The following OPHN1 variants were observed in gnomAD, a reference collection of about 807,000 sequenced individuals.
The protein encoded by OPHN1 is oligophrenin-1.
Under a neutral mutation model 60.7 loss-of-function variants are expected in OPHN1, and 11 were observed. The ratio of observed to expected loss-of-function variants is 0.18; its 90% CI spans 0.11 to 0.30. OPHN1 has a LOEUF of 0.30. Ranked by LOEUF, OPHN1 falls within the 10% of genes least tolerant of loss-of-function variation. The probability of loss-of-function intolerance (pLI) is 1.00; values close to 1 mark genes in which losing one functional copy is unlikely to be tolerated. For synonymous variants in OPHN1, 226 were observed against 222.6 expected (o/e 1.02, Z -0.14); for missense variants, 449 against 611.0 (o/e 0.73, Z 2.80).
At chrX:68,339,712 C>T (rs943498270) in intron 2 of OPHN1, among the ~76,000 whole-genome samples, 14 of 111,631 alleles carry the variant, frequency 1.3e-4, no homozygotes, top group South Asian at 3.8e-4. Context: ...AAGTGATTCT[C>T]GTGCTTCAGC....
intron 15 of OPHN1, among the ~76,000 whole-genome samples, chrX:68,166,058 T>G (rs1463269470): frequency 8.9e-6 from 1 of 112,290 alleles, no homozygotes; most frequent in Non-Finnish European, 1.9e-5. Flanking sequence ...TAACTCAAAA[T>G]GCATCAAACA....
chrX:68,133,036 G>A, intron 15 of OPHN1: 1 of 488,528 alleles, frequency 2.0e-6, no homozygotes, highest in Non-Finnish European at 3.7e-6. Context: ...CGCCAACTCT[G>A]CAGCAGTCCG....
intron 15 of OPHN1, among the ~76,000 whole-genome samples, chrX:68,175,057 C>T (rs1354712881): frequency 9.2e-6 from 1 of 108,470 alleles, no homozygotes; most frequent in Non-Finnish European, 1.9e-5. Flanking sequence ...GCACTCCAGC[C>T]TAGCGACAGA....
chrX:68,285,550 T>A (rs1225027630), intron 3 of OPHN1, among the ~76,000 whole-genome samples: 1 of 111,688 alleles, frequency 9.0e-6, no homozygotes, highest in Non-Finnish European at 1.9e-5. Context: ...TGCAGATTCA[T>A]GTTTTTCACC....
chrX:68,222,493 G>A (rs1383207520), intron 6 of OPHN1, among the ~76,000 whole-genome samples: 11 of 101,628 alleles, frequency 1.1e-4, no homozygotes, highest in African/African-American at 3.2e-4. Context: ...TGTTTATTGC[G>A]GCATTATTCA....
At chrX:68,222,950 TAAAA>T (rs1251540205) in intron 6 of OPHN1, among the ~76,000 whole-genome samples, 4 of 104,614 alleles carry the variant, frequency 3.8e-5, no homozygotes, top group Non-Finnish European at 7.9e-5. Flanking sequence ...TAAAAATAAA[TAAAA>T]AGAAAAAAAA....
At chrX:68,063,700 T>G (rs1331784363) in intron 21 of OPHN1, among the ~76,000 whole-genome samples, 154 bp downstream of exon 21, 1 of 111,892 alleles carries the variant, frequency 8.9e-6, no homozygotes, top group African/African-American at 3.2e-5. Flanking sequence ...GTGATTATTG[T>G]GACTGATTAT....
At chrX:68,278,311 T>C (rs1242562664) in intron 4 of OPHN1, among the ~76,000 whole-genome samples, 1 of 112,360 alleles carries the variant, frequency 8.9e-6, no homozygotes, top group Non-Finnish European at 1.9e-5. Context: ...CTTAGAACTC[T>C]AGCAATGACT....
chrX:68,387,600 A>C (rs2078631233), intron 2 of OPHN1, among the ~76,000 whole-genome samples: 2 of 111,501 alleles, frequency 1.8e-5, no homozygotes, highest in Admixed American at 1.9e-4. Flanking sequence ...TGTCTCTTTC[A>C]CCAACATATC....
At chrX:68,235,609 G>A (rs776966058) in intron 5 of OPHN1, among the ~76,000 whole-genome samples, 110 of 108,756 alleles carry the variant, frequency 1.0e-3, no homozygotes, top group African/African-American at 3.3e-3. Flanking sequence ...AGGCCGAGGC[G>A]GGCGGATCAC....
intron 2 of OPHN1, among the ~76,000 whole-genome samples, chrX:68,318,789 C>T (rs1475598931): frequency 1.8e-5 from 2 of 111,924 alleles, no homozygotes; most frequent in Non-Finnish European, 3.8e-5. Flanking sequence ...CTCCTTTTAG[C>T]TCTGGTAGTT....
intron 2 of OPHN1, among the ~76,000 whole-genome samples, chrX:68,365,316 G>T (rs375146020): frequency 9.0e-6 from 1 of 110,596 alleles, no homozygotes; most frequent in African/African-American, 3.3e-5. Flanking sequence ...GAATTTGAGA[G>T]AAACCACGTG....
intron 2 of OPHN1, among the ~76,000 whole-genome samples, chrX:68,335,923 C>T (rs1461227045): frequency 3.6e-5 from 4 of 110,101 alleles, no homozygotes; most frequent in Non-Finnish European, 5.7e-5. Context: ...GAGTAGACTC[C>T]GCCTCAAAAA....
At chrX:68,213,609 G>T (rs766327438) in intron 7 of OPHN1, among the ~76,000 whole-genome samples, 7 of 107,202 alleles carry the variant, frequency 6.5e-5, no homozygotes, top group Admixed American at 3.0e-4. Context: ...ATTCCGGAAG[G>T]GGGGAGGAAA....
intron 11 of OPHN1, among the ~76,000 whole-genome samples, chrX:68,198,751 C>A (rs770873427): frequency 9.0e-6 from 1 of 111,472 alleles, no homozygotes; most frequent in South Asian, 3.8e-4. Flanking sequence ...CCTTTCTAGA[C>A]CTCAGTTTCT....
At chrX:68,388,929 G>T (rs2078638313) in intron 2 of OPHN1, among the ~76,000 whole-genome samples, 2 of 109,531 alleles carry the variant, frequency 1.8e-5, no homozygotes, top group Non-Finnish European at 3.8e-5. Context: ...GAGAAATTAT[G>T]GTAGATACAG....
At chrX:68,354,110 GAT>G (rs2078427367) in intron 2 of OPHN1, among the ~76,000 whole-genome samples, 1 of 111,360 alleles carries the variant, frequency 9.0e-6, no homozygotes, top group Non-Finnish European at 1.9e-5. Flanking sequence ...ATTAGCCATT[GAT>G]AATGTCTCTG....
At chrX:68,413,922 G>A (rs769617534) in intron 2 of OPHN1, among the ~76,000 whole-genome samples, 7 of 111,652 alleles carry the variant, frequency 6.3e-5, no homozygotes, top group Non-Finnish European at 1.1e-4. Context: ...CAATATTCAT[G>A]GGATAAGACA....
chrX:68,192,745 T>C (rs1450011928), intron 15 of OPHN1, 174 bp downstream of exon 15: 8 of 446,271 alleles, frequency 1.8e-5, no homozygotes, highest in Non-Finnish European at 3.2e-5. Flanking sequence ...ACAGCCATTT[T>C]CAAGGTACGA....
Sources: allele counts gnomAD v4.1 joint callset (sites outside exome capture counted in the v4.1 genomes callset), GRCh38; gene constraint gnomAD v4.1.1; transcripts MANE v1.5; gene names NCBI Gene and HGNC (gene_info 2026-07-23, HGNC 2026-07-21).